Variants in ELL observed in about 807,000 individuals in gnomAD.
ELL encodes RNA polymerase II elongation factor ELL.
In ELL, 18 loss-of-function variants were observed where a neutral mutation model predicts 64.0. The ratio of observed to expected loss-of-function variants is 0.28; its 90% CI spans 0.19 to 0.42. ELL has a LOEUF of 0.42. Among genes scored for constraint, ELL ranks in the 10% least tolerant of loss-of-function variants. ELL has a pLI of 1.00. For synonymous variants in ELL, 399 were observed against 376.2 expected (o/e 1.06, Z -0.70); for missense variants, 797 against 870.4 (o/e 0.92, Z 1.06).
chr19:18,477,564 C>T (rs939742089), intron 1 of ELL, among the ~76,000 whole-genome samples: 3 of 152,144 alleles, frequency 2.0e-5, no homozygotes, highest in Admixed American at 1.3e-4. Flanking sequence ...CCCCAAGTGC[C>T]GAGGTGCCGA....
chr19:18,457,817 T>C (rs1974715082), intron 6 of ELL, among the ~76,000 whole-genome samples: 1 of 152,226 alleles, frequency 6.6e-6, no homozygotes, highest in South Asian at 2.1e-4. Flanking sequence ...TACTTCAGGT[T>C]CTTGAGAGGC....
chr19:18,488,640 C>T (rs544622068), intron 1 of ELL, among the ~76,000 whole-genome samples: 19 of 152,262 alleles, frequency 1.2e-4, no homozygotes, highest in Admixed American at 8.5e-4. Flanking sequence ...TTCTATGGAC[C>T]GGGCTGTGCA....
At chr19:18,484,912 C>T (rs1303258299) in intron 1 of ELL, among the ~76,000 whole-genome samples, 1 of 152,248 alleles carries the variant, frequency 6.6e-6, no homozygotes, top group Admixed American at 6.5e-5. Flanking sequence ...TTCCCCCAGA[C>T]AACAGTGACC....
At chr19:18,452,157 C>T (rs1022753175) in intron 6 of ELL, among the ~76,000 whole-genome samples, 1 of 152,168 alleles carries the variant, frequency 6.6e-6, no homozygotes, top group Admixed American at 6.6e-5. Context: ...CCCCTTCTCC[C>T]GCTCCATGTG....
At chr19:18,463,124 C>T (rs951766575) in intron 4 of ELL, among the ~76,000 whole-genome samples, 5 of 152,276 alleles carry the variant, frequency 3.3e-5, no homozygotes, top group East Asian at 1.9e-4. Context: ...CTGATCTTAT[C>T]TCTCAAAATC....
intron 1 of ELL, among the ~76,000 whole-genome samples, chr19:18,498,645 G>A (rs556767704): frequency 1.8e-4 from 28 of 152,276 alleles, no homozygotes. Context: ...GCCCCCGGAT[G>A]GGTAGACAGG....
intron 6 of ELL, among the ~76,000 whole-genome samples, chr19:18,454,776 T>C (rs1204805173): frequency 2.2e-5 from 3 of 134,816 alleles, no homozygotes; most frequent in Non-Finnish European, 4.7e-5. Context: ...GGGAGGCAGA[T>C]GTTGCAGTGA....
Position 18,444,656 on chromosome 19 carries a change from T to G in ELL, c.*96A>C. 1.0e-5 allele frequency: 14 copies of G among 1,347,296 alleles called. No homozygotes were observed. Among genetic ancestry groups the G allele is most frequent in the East Asian group, 4.7e-5 (2 of 42,312 alleles). 83.5% of individuals were successfully genotyped at this position (1,347,296 alleles called of 1,614,324 possible). On this transcript the variant is annotated 3_prime_UTR_variant, in exon 12 of 12. Coordinates refer to ENST00000262809, the MANE Select transcript of ELL (RefSeq NM_006532.4). ...TGAAAGCCGGCGGTGCTGGCTCAGA[T>G]GAGCATCTTCCTCGGGTTTATTTTT...
chr19:18,511,021 A>C (rs926965744), intron 1 of ELL, among the ~76,000 whole-genome samples: 3 of 152,042 alleles, frequency 2.0e-5, no homozygotes, highest in Non-Finnish European at 2.9e-5. Context: ...TAATCCCAGC[A>C]CTTTGGGAGG....
chr19:18,506,674 T>A (rs1430800324), intron 1 of ELL, among the ~76,000 whole-genome samples: 2 of 152,150 alleles, frequency 1.3e-5, no homozygotes, highest in Non-Finnish European at 1.5e-5. Context: ...CAGTGAGCTA[T>A]GATCACACCA....
intron 1 of ELL, among the ~76,000 whole-genome samples, chr19:18,493,555 T>A (rs1224274741): frequency 6.6e-6 from 1 of 152,200 alleles, no homozygotes; most frequent in Non-Finnish European, 1.5e-5. Flanking sequence ...TGGTGTACTC[T>A]CAACCTCTGA....
At chr19:18,466,939 G>T (rs1600452787) in intron 2 of ELL, among the ~76,000 whole-genome samples, 1 of 152,198 alleles carries the variant, frequency 6.6e-6, no homozygotes. Context: ...CCTCGCCCCT[G>T]CTGAGCTGCC....
chr19:18,498,816 G>A (rs191126954), intron 1 of ELL, among the ~76,000 whole-genome samples: 1 of 152,260 alleles, frequency 6.6e-6, no homozygotes, highest in East Asian at 1.9e-4. Context: ...CAGGTGTGGT[G>A]GCAGGCGCCT....
In ELL at chr19:18,495,637, G is replaced by A. The variant is rs917539061; in HGVS notation, c.136-22755C>T. ...GGGCTGGTAGGCAGAGTGACAGGCG[G>A]CAGTGGCTGCCCCACTGAGGAGAAG... On this transcript the variant is annotated intron_variant, in intron 1 of 11. Coordinates refer to ENST00000262809, the MANE Select transcript of ELL (RefSeq NM_006532.4). Among the ~76,000 whole-genome samples the A allele has an allele frequency of 2.6e-5, 4 of 152,228 alleles. No homozygotes were observed. In the South Asian group the frequency reaches 6.2e-4, roughly 24 times the overall value.
intron 1 of ELL, among the ~76,000 whole-genome samples, chr19:18,505,683 G>A (rs1461545189): frequency 6.6e-6 from 1 of 152,312 alleles, no homozygotes; most frequent in South Asian, 2.1e-4. Context: ...CACACACAGG[G>A]GAGGGGAGAA....
At position 18,473,152 on chromosome 19, in the gene ELL, C is replaced by G. The variant is rs557119290; in HGVS notation, c.136-270G>C. On this transcript the variant is annotated intron_variant, in intron 1 of 11. Transcript: ENST00000262809. ...CCTCCAGACACAGGCAACAGGCTGGCGGAAGGCCCAGGATGCAGGGGCGGG... is the reference window on the plus strand; with the variant it reads ...CCTCCAGACACAGGCAACAGGCTGGGGGAAGGCCCAGGATGCAGGGGCGGG... 6 of 671,630 alleles carry G rather than the reference C, an allele frequency of 8.9e-6. No individual in the cohort carries two copies. The Admixed American group carries it at 1.0e-4, about 12-fold the overall frequency. The allele number at this position is 671,630 out of a possible 1,614,324, so 41.6% of individuals were successfully genotyped here.
rs1045883500 is a variant in ELL, at chr19:18,449,050, G to T, written c.1465+1427C>A. ...CTCCACTGTCCTTTTCTTGGTGCTT[G>T]GGACATCTACCCCTGCTTTGCATTT... On this transcript the variant is annotated intron_variant, in intron 8 of 11. Transcript: ENST00000262809. This position sits in a 1 kb window ranked among gnomAD's most constrained non-coding sequence, Gnocchi z 4.4. Among the ~76,000 whole-genome samples the T allele has an allele frequency of 6.6e-6, 1 of 152,154 alleles. No individual in the cohort carries two copies. The highest frequency in any genetic ancestry group is 1.5e-5 in the Non-Finnish European group (1 of 68,032).
chr19:18,509,170 C>T (rs1235654648), intron 1 of ELL, among the ~76,000 whole-genome samples: 3 of 152,042 alleles, frequency 2.0e-5, no homozygotes, highest in African/African-American at 7.3e-5. Flanking sequence ...GGCCCTTCCC[C>T]ACAGCAGCCA....
At chr19:18,500,022 G>A (rs1975748062) in intron 1 of ELL, among the ~76,000 whole-genome samples, 1 of 152,230 alleles carries the variant, frequency 6.6e-6, no homozygotes, top group Non-Finnish European at 1.5e-5. Context: ...AACACTTTGG[G>A]AAGCCGAGGC....
Sources: gnomAD v4.1 joint callset for allele counts (sites outside exome capture counted in the v4.1 genomes callset) on GRCh38, gnomAD v4.1.1 for gene constraint, Gnocchi (gnomAD v3.1) non-coding constraint, MANE v1.5 for transcripts, NCBI Gene and HGNC (gene_info 2026-07-23, HGNC 2026-07-21) for gene names.